SUGCT: variants seen among roughly 807,000 people sequenced by gnomAD.
SUGCT encodes succinyl-CoA:glutarate CoA-transferase.
SUGCT carries 41 observed loss-of-function variants against 55.0 expected under a neutral mutation model. The ratio of observed to expected loss-of-function variants is 0.74; its 90% CI spans 0.58 to 0.97. The LOEUF is 0.97. Ranked by LOEUF, SUGCT falls within the 50% of genes least tolerant of loss-of-function variation. The pLI, the probability that SUGCT is intolerant of heterozygous loss-of-function variation, is 0.00. For synonymous variants in SUGCT, 187 were observed against 200.4 expected, an observed-to-expected ratio of 0.93 and a Z score of 0.56; for missense variants, 568 against 547.8, an observed-to-expected ratio of 1.04 and a Z score of -0.37.
At chr7:40,843,269 TG>T (rs1793369780) in intron 13 of SUGCT, among the ~76,000 whole-genome samples, 1 of 151,886 alleles carries the variant, frequency 6.6e-6, no homozygotes. Context: ...CTCAGCTCTT[TG>T]GGAGGCCGAG....
At chr7:40,290,476 C>T (rs2151046717) in intron 8 of SUGCT, among the ~76,000 whole-genome samples, 1 of 152,234 alleles carries the variant, frequency 6.6e-6, no homozygotes, top group East Asian at 1.9e-4. Flanking sequence ...AACTGGATCC[C>T]TTCCTTACAC....
At chr7:40,325,681 C>T (rs902089966) in intron 9 of SUGCT, among the ~76,000 whole-genome samples, 2 of 151,984 alleles carry the variant, frequency 1.3e-5, no homozygotes, top group Non-Finnish European at 2.9e-5. Context: ...TGGTGCGTGC[C>T]GGTAATCCCA....
At chr7:40,585,342 T>C (rs1797319416) in intron 12 of SUGCT, among the ~76,000 whole-genome samples, 1 of 152,174 alleles carries the variant, frequency 6.6e-6, no homozygotes, top group Admixed American at 6.5e-5. Context: ...CTTCCAGCAG[T>C]CAGGTTTCGT....
At chr7:40,603,845 G>A (rs1407291335) in intron 12 of SUGCT, among the ~76,000 whole-genome samples, 1 of 152,118 alleles carries the variant, frequency 6.6e-6, no homozygotes, top group African/African-American at 2.4e-5. Flanking sequence ...TCTATTTCTA[G>A]AATGATCTTC....
chr7:40,608,606 A>C (rs898506969), intron 12 of SUGCT, among the ~76,000 whole-genome samples: 7 of 152,236 alleles, frequency 4.6e-5, no homozygotes, highest in Non-Finnish European at 7.3e-5. Context: ...GCTCATTAGA[A>C]GTATTTTCTC....
chr7:40,894,493 T>C, the SUGCT span, among the ~76,000 whole-genome samples: 1 of 152,124 alleles, frequency 6.6e-6, no homozygotes, highest in Non-Finnish European at 1.5e-5. Flanking sequence ...GAAGAACTTC[T>C]GCACAGAAAA....
intron 12 of SUGCT, among the ~76,000 whole-genome samples, chr7:40,595,303 T>C (rs1015988657): frequency 1.3e-5 from 2 of 152,204 alleles, no homozygotes; most frequent in African/African-American, 4.8e-5. Context: ...ATTCTTTCCA[T>C]TCCCTTCTTC....
At chr7:40,545,631 T>C (rs1794945805) in intron 12 of SUGCT, among the ~76,000 whole-genome samples, 1 of 152,150 alleles carries the variant, frequency 6.6e-6, no homozygotes, top group Admixed American at 6.6e-5. Flanking sequence ...GGAGAATAAT[T>C]TTATGAAAGT....
At chr7:40,893,273 G>C in the SUGCT span, among the ~76,000 whole-genome samples, 1 of 152,108 alleles carries the variant, frequency 6.6e-6, no homozygotes, top group Non-Finnish European at 1.5e-5. Flanking sequence ...TATCTGGAGA[G>C]AAAACCAGTA....
intron 12 of SUGCT, among the ~76,000 whole-genome samples, chr7:40,746,349 A>T (rs1481855168): frequency 2.0e-5 from 3 of 152,070 alleles, no homozygotes; most frequent in Non-Finnish European, 4.4e-5. Context: ...GGATATTCTG[A>T]CCTGATTCAA....
chr7:40,187,862 C>T (rs1004594585), intron 3 of SUGCT, among the ~76,000 whole-genome samples: 1 of 152,026 alleles, frequency 6.6e-6, no homozygotes, highest in African/African-American at 2.4e-5. Context: ...GGTTTATCTC[C>T]AGTTAGAACT....
chr7:40,601,288 T>A (rs1241456930), intron 12 of SUGCT, among the ~76,000 whole-genome samples: 1 of 152,188 alleles, frequency 6.6e-6, no homozygotes, highest in Non-Finnish European at 1.5e-5. Context: ...CCTTTTGTCT[T>A]GTATTGACCT....
chr7:40,531,479 G>A (rs1187110592), intron 12 of SUGCT, among the ~76,000 whole-genome samples: 1 of 151,526 alleles, frequency 6.6e-6, no homozygotes, highest in Non-Finnish European at 1.5e-5. Flanking sequence ...GTCATTAATG[G>A]CAATAAAATT....
At chr7:40,477,003 A>T (rs916372961) in intron 11 of SUGCT, among the ~76,000 whole-genome samples, 7 of 152,122 alleles carry the variant, frequency 4.6e-5, no homozygotes, top group Admixed American at 6.6e-5. Flanking sequence ...AATATCACAA[A>T]CAACATTTAA....
intron 1 of SUGCT, among the ~76,000 whole-genome samples, chr7:40,179,021 A>C (rs1471056167): frequency 6.6e-6 from 1 of 152,058 alleles, no homozygotes; most frequent in Non-Finnish European, 1.5e-5. Flanking sequence ...TCATATTTTT[A>C]AGTGTCAAGG....
intron 9 of SUGCT, among the ~76,000 whole-genome samples, chr7:40,357,088 A>G (rs1361138672): frequency 6.6e-6 from 1 of 152,228 alleles, no homozygotes; most frequent in Non-Finnish European, 1.5e-5. Context: ...GCTTGGCTCA[A>G]AAACGAACCA....
At chr7:40,135,968 A>G (rs189955499) in intron 1 of SUGCT, among the ~76,000 whole-genome samples, 3 of 146,396 alleles carry the variant, frequency 2.0e-5, no homozygotes, top group East Asian at 2.0e-4. Context: ...GCGGCCCACT[A>G]TGAATCTTGA....
chr7:40,818,690 A>G (rs1791808696), intron 13 of SUGCT, among the ~76,000 whole-genome samples: 1 of 152,164 alleles, frequency 6.6e-6, no homozygotes, highest in Non-Finnish European at 1.5e-5. Context: ...AATATAGATG[A>G]ATCTTTGCAG....
Position 40,681,793 on chromosome 7 carries a change from G to A in SUGCT, c.1090-67641G>A, listed in dbSNP as rs558811521. Reference sequence around the variant, plus strand: ...ATTTGTGGCTGGTTCAGGACATGAAGCTTTGTTTAAAATTGGGGATCAGCA... The same window carrying A: ...ATTTGTGGCTGGTTCAGGACATGAAACTTTGTTTAAAATTGGGGATCAGCA... On this transcript the variant is annotated intron_variant, in intron 12 of 13. Transcript: ENST00000335693. 1.1e-4 allele frequency among the ~76,000 whole-genome samples: 17 copies of A among 152,276 alleles called. No individual in the cohort carries two copies. The South Asian group carries it at 3.3e-3, about 30-fold the overall frequency.
Sources: allele counts gnomAD v4.1 joint callset (sites outside exome capture counted in the v4.1 genomes callset), GRCh38; gene constraint gnomAD v4.1.1; transcripts MANE v1.5; gene names NCBI Gene and HGNC (gene_info 2026-07-23, HGNC 2026-07-21).